Variants in ATF2 observed in about 807,000 individuals in gnomAD.
ATF2 encodes the protein cyclic AMP-dependent transcription factor ATF-2.
Under a neutral mutation model 60.6 loss-of-function variants are expected in ATF2, and 24 were observed. That is an observed-to-expected ratio of 0.40 (90% confidence interval 0.29 to 0.56). The LOEUF (loss-of-function observed/expected upper bound fraction) is 0.56. ATF2 is among the 20% of genes least tolerant of loss of function. ATF2 has a pLI of 0.54. For synonymous variants in ATF2, 206 were observed against 215.4 expected (o/e 0.96, Z 0.38); for missense variants, 433 against 607.7 (o/e 0.71, Z 3.02).
At chr2:175,158,415 T>C (rs1699818446) in intron 1 of ATF2, among the ~76,000 whole-genome samples, 1 of 151,970 alleles carries the variant, frequency 6.6e-6, no homozygotes, top group Non-Finnish European at 1.5e-5. Context: ...GAGTGACCGG[T>C]CTCACGATGT....
intron 5 of ATF2, among the ~76,000 whole-genome samples, chr2:175,120,405 G>A (rs1025870578): frequency 4.0e-5 from 6 of 150,980 alleles, no homozygotes; most frequent in African/African-American, 1.2e-4. Context: ...TTTTTCCTAC[G>A]TATATTGTTT....
At chr2:175,074,861 C>A in intron 13 of ATF2, 26 bp from the exon 14 acceptor site, 1 of 1,611,766 alleles carries the variant, frequency 6.2e-7, no homozygotes, top group South Asian at 1.1e-5. Context: ...AAAAATTATT[C>A]ATTTTCCTAA....
intron 3 of ATF2, among the ~76,000 whole-genome samples, chr2:175,134,770 G>A (rs377179415): frequency 6.6e-6 from 1 of 152,018 alleles, no homozygotes; most frequent in African/African-American, 2.4e-5. Flanking sequence ...GATGGCTTGA[G>A]CCCAGGAGTT....
chr2:175,109,168 T>TAAAAAAAAA (rs66812318), intron 10 of ATF2, among the ~76,000 whole-genome samples: 17 of 82,592 alleles, frequency 2.1e-4, no homozygotes, highest in African/African-American at 3.7e-4. Flanking sequence ...GAATGATCAA[T>TAAAAAAAAA]AAAAAAAAAA....
intron 2 of ATF2, among the ~76,000 whole-genome samples, chr2:175,141,469 A>G (rs537263248): frequency 2.6e-4 from 39 of 152,256 alleles, no homozygotes; most frequent in African/African-American, 9.1e-4. Context: ...TAGAATCAAC[A>G]TAAAACTATA....
intron 1 of ATF2, among the ~76,000 whole-genome samples, chr2:175,152,507 G>A (rs1699377292): frequency 6.6e-6 from 1 of 152,116 alleles, no homozygotes; most frequent in Admixed American, 6.5e-5. Context: ...ATTAAGAAAA[G>A]GCACAATATT....
chr2:175,127,241 GAA>G lies in ATF2; in HGVS notation c.102+2895_102+2896del, dbSNP rs757991273. 5 of 100,804 alleles carry G rather than the reference GAA, an allele frequency of 5.0e-5. No homozygotes were observed. The Middle Eastern group carries it at 3.3e-3, about 66-fold the overall frequency. 6.2% of individuals were successfully genotyped at this position (100,804 alleles called of 1,614,324 possible). A position where few individuals can be genotyped will look rare whatever the true frequency, so the allele number is the denominator to read the frequency against. On this transcript the variant is annotated intron_variant, in intron 4 of 13. Coordinates refer to ENST00000264110, the MANE Select transcript of ATF2 (RefSeq NM_001880.4). ...GTGACAGAGTGAGACCCTGTCTCGA[GAA>G]AAAAAAAAAAAAAAGTTAAAGTAAA...
chr2:175,122,889 T>A (rs1166230601), intron 4 of ATF2, among the ~76,000 whole-genome samples: 1 of 152,120 alleles, frequency 6.6e-6, no homozygotes, highest in Non-Finnish European at 1.5e-5. Context: ...TTCATTAAGA[T>A]GAATTCAACT....
At chr2:175,139,300 T>G (rs2105775838) in intron 2 of ATF2, among the ~76,000 whole-genome samples, 1 of 152,284 alleles carries the variant, frequency 6.6e-6, no homozygotes, top group Admixed American at 6.5e-5. Flanking sequence ...GTAAAATGGG[T>G]AAGTCCATAT....
At chr2:175,114,193 T>C (rs1696393288) in intron 8 of ATF2, 85 bp from the exon 9 acceptor site, 4 of 1,454,876 alleles carry the variant, frequency 2.7e-6, no homozygotes, top group East Asian at 4.9e-5. Context: ...TTTACTCCTA[T>C]AATCATATCA....
At chr2:175,104,099 A>C (rs1259946352) in intron 10 of ATF2, among the ~76,000 whole-genome samples, 3 of 151,964 alleles carry the variant, frequency 2.0e-5, no homozygotes, top group Non-Finnish European at 2.9e-5. Flanking sequence ...TTCACAGCAC[A>C]CACAAACACA....
At chr2:175,145,090 T>C (rs1442015672) in intron 2 of ATF2, among the ~76,000 whole-genome samples, 3 of 152,166 alleles carry the variant, frequency 2.0e-5, no homozygotes, top group Non-Finnish European at 4.4e-5. Flanking sequence ...AACATAAAGA[T>C]ACAGAAATAT....
intron 12 of ATF2, among the ~76,000 whole-genome samples, chr2:175,091,037 C>G (rs1455436178): frequency 1.3e-5 from 2 of 152,092 alleles, no homozygotes; most frequent in African/African-American, 4.8e-5. Flanking sequence ...TAAGATTGCT[C>G]TAAAATGGGT....
At chr2:175,141,839 G>A (rs1021330678) in intron 2 of ATF2, among the ~76,000 whole-genome samples, 1 of 151,996 alleles carries the variant, frequency 6.6e-6, no homozygotes, top group Non-Finnish European at 1.5e-5. Context: ...ATCTTAACAT[G>A]TATGCTATCT....
intron 2 of ATF2, among the ~76,000 whole-genome samples, chr2:175,146,920 T>C (rs1270003659): frequency 6.6e-6 from 1 of 152,146 alleles, no homozygotes; most frequent in African/African-American, 2.4e-5. Flanking sequence ...ATAATTAGCA[T>C]CGATGTAGTT....
chr2:175,074,359 T>C lies in ATF2; in HGVS notation c.*250A>G, dbSNP rs904388999. Reference sequence around the variant, plus strand: ...AATGAATTATAATACAATTTACACATTGAGCACAGAAAAATTAATAAATCT... The same window carrying C: ...AATGAATTATAATACAATTTACACACTGAGCACAGAAAAATTAATAAATCT... On this transcript the variant is annotated 3_prime_UTR_variant, in exon 14 of 14. Coordinates refer to ENST00000264110, the MANE Select transcript of ATF2 (RefSeq NM_001880.4). The C allele has an allele frequency of 1.4e-5, 4 of 286,314 alleles. No individual in the cohort carries two copies. Among genetic ancestry groups the C allele is most frequent in the East Asian group, 1.4e-4 (2 of 14,454 alleles). The allele number at this position is 286,314 out of a possible 1,614,324, so 17.7% of individuals were successfully genotyped here. A position where few individuals can be genotyped will look rare whatever the true frequency, so the allele number is the denominator to read the frequency against.
At chr2:175,086,911 G>T (rs761919798) in intron 12 of ATF2, among the ~76,000 whole-genome samples, 4 of 151,888 alleles carry the variant, frequency 2.6e-5, no homozygotes, top group Non-Finnish European at 4.4e-5. Flanking sequence ...AGAGAGAAGG[G>T]GCTGCTACAC....
intron 12 of ATF2, among the ~76,000 whole-genome samples, chr2:175,087,452 C>T (rs959722017): frequency 1.3e-5 from 2 of 152,150 alleles, no homozygotes; most frequent in Admixed American, 6.6e-5. Flanking sequence ...TAGCAGCAGA[C>T]AAATTTTTCT....
At chr2:175,082,530 C>T (rs1693834692) in intron 12 of ATF2, among the ~76,000 whole-genome samples, 1 of 152,100 alleles carries the variant, frequency 6.6e-6, no homozygotes, top group Non-Finnish European at 1.5e-5. Flanking sequence ...CTGATGTCTA[C>T]AAGTTTCTCT....
Sources: gnomAD v4.1 joint callset for allele counts (sites outside exome capture counted in the v4.1 genomes callset) on GRCh38, gnomAD v4.1.1 for gene constraint, MANE v1.5 for transcripts, NCBI Gene and HGNC (gene_info 2026-07-23, HGNC 2026-07-21) for gene names.